DTNA: variants seen among roughly 807,000 people sequenced by gnomAD.
DTNA encodes dystrophin-related protein 3.
Under a neutral mutation model 100.7 loss-of-function variants are expected in DTNA, and 43 were observed. The observed-to-expected ratio is 0.43, with a 90% CI of 0.33 to 0.55. The LOEUF is 0.55. Among genes scored for constraint, DTNA ranks in the 20% least tolerant of loss-of-function variants. The pLI is 0.04. For synonymous variants in DTNA, 349 were observed against 347.9 expected (o/e 1.00, Z -0.04); for missense variants, 798 against 953.9 (o/e 0.84, Z 2.15).
Position 34,881,437 on chromosome 18 carries a change from CTTTTTTTTTTT to C in DTNA, c.2163-617_2163-607del, listed in dbSNP as rs752828928. Among the ~76,000 whole-genome samples the C allele has an allele frequency of 1.6e-4, 8 of 51,398 alleles. 1 individual carries two copies. Among genetic ancestry groups the C allele is most frequent in the African/African-American group, 5.0e-4 (6 of 11,952 alleles). 33.7% of individuals were successfully genotyped at this position (51,398 alleles called of 152,430 possible). On this transcript the variant is annotated intron_variant, in intron 20 of 22. Transcript: ENST00000444659. ...ATAGTGGAATTGGATAATTAAAATGCTTTTTTTTTTTTTTTTTTTTTTTTTCAGATTTAGAG... is the reference window on the plus strand; with the variant it reads ...ATAGTGGAATTGGATAATTAAAATGCTTTTTTTTTTTTTTCAGATTTAGAG...
At chr18:34,511,325 A>G (rs192051268) in intron 1 of DTNA, among the ~76,000 whole-genome samples, 5 of 152,268 alleles carry the variant, frequency 3.3e-5, no homozygotes, top group Admixed American at 3.3e-4. Context: ...TATTATCTCA[A>G]TCCTACTCAG....
At chr18:34,509,692 G>A (rs2040842422) in intron 1 of DTNA, among the ~76,000 whole-genome samples, 1 of 152,082 alleles carries the variant, frequency 6.6e-6, no homozygotes, top group Non-Finnish European at 1.5e-5. Flanking sequence ...GTTTGCCTCA[G>A]TGTCAACATA....
At chr18:34,531,233 A>C (rs957877761) in intron 1 of DTNA, among the ~76,000 whole-genome samples, 4 of 152,062 alleles carry the variant, frequency 2.6e-5, no homozygotes, top group Admixed American at 6.6e-5. Flanking sequence ...TGTTGGAGGC[A>C]TCATGACCTA....
chr18:34,532,812 TAGA>T (rs1360545681), intron 1 of DTNA, among the ~76,000 whole-genome samples: 3 of 151,536 alleles, frequency 2.0e-5, no homozygotes, highest in Admixed American at 1.3e-4. Context: ...TTTTAAAAAT[TAGA>T]AGCCATGTGG....
At chr18:34,584,178 C>T (rs773838832) in intron 1 of DTNA, among the ~76,000 whole-genome samples, 23 of 152,130 alleles carry the variant, frequency 1.5e-4, no homozygotes, top group Non-Finnish European at 2.4e-4. Context: ...GAGGGCATTT[C>T]GGTGAAACAA....
chr18:34,885,486 C>G (rs1424504491), intron 22 of DTNA, among the ~76,000 whole-genome samples: 1 of 152,182 alleles, frequency 6.6e-6, no homozygotes, highest in Non-Finnish European at 1.5e-5. Flanking sequence ...TGGTCTGAAG[C>G]TTAGGCGCCA....
chr18:34,634,059 T>A (rs10502627), intron 1 of DTNA, among the ~76,000 whole-genome samples: 11,480 of 152,250 alleles, frequency 0.075, 537 homozygotes, highest in African/African-American at 0.11. Context: ...GAAAACATAG[T>A]GCATATCTAT....
rs770192621 is a variant in DTNA at position 34,766,051 on chromosome 18, C to T, written c.148+10C>T. The T allele has an allele frequency of 6.2e-6, 10 of 1,613,038 alleles. No individual in the cohort carries two copies. The Admixed American group carries it at 1.5e-4, about 24-fold the overall frequency. On this transcript the variant is annotated intron_variant, in intron 3 of 22. Coordinates refer to ENST00000444659, the MANE Select transcript of DTNA (RefSeq NM_001386795.1). Reference sequence around the variant, plus strand: ...CAGAAGAAATGCAATTGTAAGTATGCCAGTTGTTTGGACTAATTACCATCA... The same window carrying T: ...CAGAAGAAATGCAATTGTAAGTATGTCAGTTGTTTGGACTAATTACCATCA...
chr18:34,749,629 C>T (rs2092087484), intron 1 of DTNA, among the ~76,000 whole-genome samples: 1 of 129,184 alleles, frequency 7.7e-6, no homozygotes, highest in South Asian at 2.7e-4. Flanking sequence ...TGAGCTCATG[C>T]ACCTCTCTCC....
intron 3 of DTNA, 83 bp downstream of exon 3, chr18:34,766,124 T>C (rs2093455372): frequency 7.0e-7 from 1 of 1,431,950 alleles, no homozygotes; most frequent in Admixed American, 1.8e-5. Flanking sequence ...AACTAGATTC[T>C]GTTACAAATA....
At chr18:34,688,463 A>T (rs1436132493) in intron 1 of DTNA, among the ~76,000 whole-genome samples, 1 of 152,190 alleles carries the variant, frequency 6.6e-6, no homozygotes, top group Non-Finnish European at 1.5e-5. Context: ...AATGTCGAAT[A>T]TTGGCCCCCA....
At chr18:34,578,726 CTT>C (rs1411209184) in intron 1 of DTNA, among the ~76,000 whole-genome samples, 3 of 152,096 alleles carry the variant, frequency 2.0e-5, no homozygotes, top group Non-Finnish European at 4.4e-5. Context: ...AATAGGGTGT[CTT>C]TTTCCCACTT....
At chr18:34,612,318 A>G (rs903937817) in intron 1 of DTNA, among the ~76,000 whole-genome samples, 1 of 151,862 alleles carries the variant, frequency 6.6e-6, no homozygotes, top group Non-Finnish European at 1.5e-5. Flanking sequence ...CCCACATACC[A>G]CCTAACTCAC....
chr18:34,803,848 A>G (rs952017468), intron 4 of DTNA, among the ~76,000 whole-genome samples: 2 of 152,208 alleles, frequency 1.3e-5, no homozygotes, highest in African/African-American at 4.8e-5. Flanking sequence ...ATGGACACTC[A>G]AAATTCTAGG....
rs1003355920 is a variant in DTNA, at chr18:34,890,670, G to A, written c.*2936G>A. ...TGGGATTCAGGAAACAGTTGTGGTT[G>A]GTCAGGACGGAAGTTGGGGTAAGTT... On this transcript the variant is annotated 3_prime_UTR_variant, in exon 23 of 23. Coordinates refer to ENST00000444659, the MANE Select transcript of DTNA (RefSeq NM_001386795.1). The A allele has an allele frequency of 1.4e-6, 1 of 709,408 alleles. No homozygotes were observed. Among genetic ancestry groups the A allele is most frequent in the Non-Finnish European group, 2.2e-6 (1 of 452,430 alleles). 43.9% of individuals were successfully genotyped at this position (709,408 alleles called of 1,614,324 possible).
At chr18:34,712,760 C>T (rs191428329) in intron 1 of DTNA, among the ~76,000 whole-genome samples, 5 of 152,186 alleles carry the variant, frequency 3.3e-5, no homozygotes, top group African/African-American at 9.6e-5. Flanking sequence ...TGTTTGTTAA[C>T]ATTTTAGCTT....
At chr18:34,766,095 T>C in intron 3 of DTNA, 54 bp downstream of exon 3, 3 of 1,573,362 alleles carry the variant, frequency 1.9e-6, no homozygotes, top group Admixed American at 1.7e-5. Context: ...ATAGTTTACA[T>C]TTGGTACTAA....
At chr18:34,828,624 G>T (rs1048597732) in intron 10 of DTNA, among the ~76,000 whole-genome samples, 3 of 152,126 alleles carry the variant, frequency 2.0e-5, no homozygotes, top group Non-Finnish European at 4.4e-5. Flanking sequence ...CTGAGTTCCT[G>T]TATGTGCCCA....
intron 1 of DTNA, among the ~76,000 whole-genome samples, chr18:34,557,645 C>T (rs1168896363): frequency 6.6e-6 from 1 of 151,684 alleles, no homozygotes; most frequent in East Asian, 1.9e-4. Context: ...TGTCAGTGTG[C>T]CCCTGCTGGG....
Sources: gnomAD v4.1 joint callset for allele counts (sites outside exome capture counted in the v4.1 genomes callset) on GRCh38, gnomAD v4.1.1 for gene constraint, MANE v1.5 for transcripts, NCBI Gene and HGNC (gene_info 2026-07-23, HGNC 2026-07-21) for gene names.